Variants in KIAA1217 observed in about 807,000 individuals in gnomAD.
KIAA1217 encodes KIAA1217, also known as sickle tail protein homolog.
In KIAA1217, 88 loss-of-function variants were observed where a neutral mutation model predicts 163.9. That is an observed-to-expected ratio of 0.54 (90% CI 0.45 to 0.64). KIAA1217 has a LOEUF of 0.64. Ranked by LOEUF, KIAA1217 falls within the 30% of genes least tolerant of loss-of-function variation. The pLI, the probability that KIAA1217 is intolerant of heterozygous loss-of-function variation, is 0.00. For missense variants in KIAA1217, 2,372 were observed against 2,475.0 expected (o/e 0.96, Z 0.88); for synonymous variants, 903 against 923.1 (o/e 0.98, Z 0.39).
rs900630668 is a variant in KIAA1217, at chr10:24,498,314, A to G, written c.1835-3065A>G. ...GCAGAAAGGGAAGAAGATCATGGAA[A>G]GTTTCAAAGTGACTAAAAGGAAAAG... is the stretch of plus-strand genomic sequence containing the variant. On this transcript the variant is annotated intron_variant, in intron 8 of 20. Transcript: ENST00000376454. 3.9e-5 allele frequency among the ~76,000 whole-genome samples: 6 copies of G among 152,194 alleles called. No individual in the cohort carries two copies. The East Asian group carries it at 1.2e-3, about 29-fold the overall frequency.
intron 1 of KIAA1217, among the ~76,000 whole-genome samples, chr10:23,851,366 T>C (rs1839310322): frequency 6.6e-6 from 1 of 152,216 alleles, no homozygotes; most frequent in Non-Finnish European, 1.5e-5. Context: ...GGCTGCATAG[T>C]ATTCCATGAT....
intron 1 of KIAA1217, among the ~76,000 whole-genome samples, chr10:23,838,240 T>C (rs145927099): frequency 3.5e-4 from 53 of 152,330 alleles, no homozygotes; most frequent in African/African-American, 1.3e-3. Context: ...AGTTACAGGA[T>C]TAAAAGGCTT....
At chr10:24,096,862 G>A (rs904305812) in intron 2 of KIAA1217, among the ~76,000 whole-genome samples, 1 of 152,188 alleles carries the variant, frequency 6.6e-6, no homozygotes, top group Non-Finnish European at 1.5e-5. Flanking sequence ...TAAAAGGCAA[G>A]AAAGAAGTGG....
chr10:24,451,285 C>T (rs752096111), intron 5 of KIAA1217, among the ~76,000 whole-genome samples: 2 of 152,334 alleles, frequency 1.3e-5, no homozygotes, highest in Non-Finnish European at 2.9e-5. Context: ...GACTGGCTAA[C>T]TGTGCCTGCC....
Position 24,171,542 on chromosome 10 carries a change from C to T in KIAA1217, c.-170-48084C>T, listed in dbSNP as rs574239814. On this transcript the variant is annotated intron_variant, in intron 2 of 18. Transcript: ENST00000376462. ...ATGATCGGCTGGGCACGGTGGCTCACGCCTGTAATCCCAGCACTTTGGGAG... is the reference window on the plus strand; with the variant it reads ...ATGATCGGCTGGGCACGGTGGCTCATGCCTGTAATCCCAGCACTTTGGGAG... Among the ~76,000 whole-genome samples the T allele has an allele frequency of 4.6e-5, 7 of 152,238 alleles. No individual in the cohort carries two copies. In the South Asian group the frequency reaches 6.2e-4, roughly 14 times the overall value.
At chr10:23,943,935 T>C (rs186867859) in intron 1 of KIAA1217, among the ~76,000 whole-genome samples, 1 of 152,324 alleles carries the variant, frequency 6.6e-6, no homozygotes, top group African/African-American at 2.4e-5. Flanking sequence ...CAAATTAATA[T>C]TGGGTGGACC....
chr10:23,941,960 G>T (rs1018994302), intron 1 of KIAA1217, among the ~76,000 whole-genome samples: 5 of 152,048 alleles, frequency 3.3e-5, no homozygotes, highest in Non-Finnish European at 5.9e-5. Context: ...CGTCAGGACA[G>T]TCAACCAATA....
intron 1 of KIAA1217, among the ~76,000 whole-genome samples, chr10:23,922,156 C>G (rs569751630): frequency 2.4e-4 from 37 of 152,098 alleles, no homozygotes; most frequent in African/African-American, 8.7e-4. Context: ...ATCAATCATG[C>G]CTGCATAATG....
chr10:23,709,939 C>T (rs184044162), intron 1 of KIAA1217, among the ~76,000 whole-genome samples: 40 of 152,296 alleles, frequency 2.6e-4, no homozygotes, highest in African/African-American at 8.7e-4. Flanking sequence ...TCTGTTATGT[C>T]GCACTTTCCC....
At chr10:23,754,256 TG>T (rs1416472608) in intron 1 of KIAA1217, among the ~76,000 whole-genome samples, 3 of 152,112 alleles carry the variant, frequency 2.0e-5, no homozygotes, top group African/African-American at 7.2e-5. Context: ...GAGACAATCA[TG>T]TCAAAAAAGA....
chr10:23,857,307 G>T (rs1309135193), intron 1 of KIAA1217, among the ~76,000 whole-genome samples: 1 of 152,128 alleles, frequency 6.6e-6, no homozygotes, highest in African/African-American at 2.4e-5. Context: ...CACCTCTTCT[G>T]AGCATCTTTT....
intron 2 of KIAA1217, among the ~76,000 whole-genome samples, chr10:24,222,329 T>C (rs1398900807): frequency 6.6e-6 from 1 of 152,184 alleles, no homozygotes; most frequent in Non-Finnish European, 1.5e-5. Context: ...AAGCTGACCA[T>C]CCAAAAGGAG....
At chr10:24,498,431 C>T (rs2133883561) in intron 8 of KIAA1217, among the ~76,000 whole-genome samples, 1 of 152,134 alleles carries the variant, frequency 6.6e-6, no homozygotes, top group South Asian at 2.1e-4. Context: ...ACATAAAGAG[C>T]CATTTCAGAG....
intron 1 of KIAA1217, among the ~76,000 whole-genome samples, chr10:23,810,524 T>C (rs1396142712): frequency 1.5e-5 from 2 of 132,924 alleles, no homozygotes; most frequent in Non-Finnish European, 3.1e-5. Context: ...ATAGATAATC[T>C]ATATATAGTA....
At chr10:23,792,169 A>G (rs1835979318) in intron 1 of KIAA1217, among the ~76,000 whole-genome samples, 1 of 152,242 alleles carries the variant, frequency 6.6e-6, no homozygotes, top group Non-Finnish European at 1.5e-5. Flanking sequence ...CAAAACAAAC[A>G]TTTAACCCTG....
chr10:24,100,608 C>T (rs1272589005), intron 2 of KIAA1217, among the ~76,000 whole-genome samples: 1 of 152,136 alleles, frequency 6.6e-6, no homozygotes, highest in East Asian at 1.9e-4. Flanking sequence ...TTGCTTTTAG[C>T]AAGGCTGTCA....
intron 1 of KIAA1217, among the ~76,000 whole-genome samples, chr10:23,887,003 C>G (rs923520696): frequency 6.6e-6 from 1 of 151,804 alleles, no homozygotes. Context: ...TGAGGCCCCT[C>G]TTAATTCAAT....
At chr10:23,934,625 A>ATATATATATATATTT (rs1554826424) in intron 1 of KIAA1217, among the ~76,000 whole-genome samples, 5 of 68,548 alleles carry the variant, frequency 7.3e-5, no homozygotes, top group African/African-American at 3.7e-4. Context: ...ATATATATAT[A>ATATATATATATATTT]TTTTTTTTTT....
At chr10:23,815,902 G>T (rs771367492) in intron 1 of KIAA1217, among the ~76,000 whole-genome samples, 1 of 151,966 alleles carries the variant, frequency 6.6e-6, no homozygotes, top group Non-Finnish European at 1.5e-5. Context: ...GCAGGGCAAA[G>T]TTTAAATTCT....
Sources: gnomAD v4.1 joint callset for allele counts (sites outside exome capture counted in the v4.1 genomes callset) on GRCh38, gnomAD v4.1.1 for gene constraint, MANE v1.5 for transcripts, NCBI Gene and HGNC (gene_info 2026-07-23, HGNC 2026-07-21) for gene names.